DHX38: variants seen among roughly 807,000 people sequenced by gnomAD.
DHX38 encodes DEAH-box helicase 38, also known as pre-mRNA-splicing factor ATP-dependent RNA helicase PRP16.
Under a neutral mutation model 153.1 loss-of-function variants are expected in DHX38, and 100 were observed. The observed-to-expected ratio is 0.65, with a 90% CI of 0.56 to 0.77. The LOEUF (loss-of-function observed/expected upper bound fraction) is 0.77. Among genes scored for constraint, DHX38 ranks in the 30% least tolerant of loss-of-function variants. DHX38 has a pLI of 0.00. For missense variants in DHX38, 1,440 were observed against 1,654.0 expected (o/e 0.87, Z 2.24); for synonymous variants, 650 against 631.7 (o/e 1.03, Z -0.43).
In DHX38 at chr16:72,104,183, C is replaced by A; in HGVS notation, c.2010+52C>A. 1 of 1,586,514 alleles carries A rather than the reference C, an allele frequency of 6.3e-7. No individual in the cohort carries two copies. Among genetic ancestry groups the A allele is most frequent in the Non-Finnish European group, 8.6e-7 (1 of 1,161,470 alleles). On this transcript the variant is annotated intron_variant, in intron 14 of 26. Coordinates refer to ENST00000268482, the MANE Select transcript of DHX38 (RefSeq NM_014003.4). This position sits in a 1 kb window ranked among gnomAD's most constrained non-coding sequence, Gnocchi z 4.5. Reference sequence around the variant, plus strand: ...TGCGCATGGGGTGTTGACCAGTGCACCACCAGTAGCTAGTGGGTTGCTCCA... The same window carrying A: ...TGCGCATGGGGTGTTGACCAGTGCAACACCAGTAGCTAGTGGGTTGCTCCA...
At chr16:72,095,892 G>GA (rs2042008147) in intron 1 of DHX38, among the ~76,000 whole-genome samples, 1 of 139,526 alleles carries the variant, frequency 7.2e-6, no homozygotes, top group Non-Finnish European at 1.6e-5. Flanking sequence ...AGGAATGTAT[G>GA]GGGTGTGTGT....
Position 72,103,688 on chromosome 16 carries a change from C to T in DHX38, c.1724C>T (p.Thr575Met), listed in dbSNP as rs1343138979. ...CAGTACCTGCATGAAGATGGTTACA[C>T]GGACTATGGGATGATTGGGTGTACC... ...LTQYLHEDGYTDYGMIGCTQP... is the reference protein window; with the variant it reads ...LTQYLHEDGYMDYGMIGCTQP... Residue 575 changes from threonine (T) to methionine (M), a missense_variant, in exon 13 of 27, where the codon ACG (threonine) becomes ATG (methionine). By Grantham distance (81) the Thr-to-Met change is moderately conservative. This residue lies in a region of DHX38 where 241 missense variants were observed against 229.5 expected (regional missense o/e 1.05). Transcript: ENST00000268482. 6 of 1,614,040 alleles carry T rather than the reference C, an allele frequency of 3.7e-6. No homozygotes were observed. The highest frequency in any genetic ancestry group is 3.3e-5 in the Admixed American group (2 of 59,998).
chr16:72,108,685 G>T lies in DHX38; in HGVS notation c.3255+78G>T. 1.9e-6 allele frequency: 3 copies of T among 1,590,014 alleles called. No individual in the cohort carries two copies. In the South Asian group the frequency reaches 3.4e-5, roughly 18 times the overall value. On this transcript the variant is annotated intron_variant, in intron 23 of 26. Transcript: ENST00000268482. Reference sequence around the variant, plus strand: ...AAAGTTCTTCCTTTGTCCTGGTGTGGTTCTGCAGATCTGGGCTTCCGCCAA... The same window carrying T: ...AAAGTTCTTCCTTTGTCCTGGTGTGTTTCTGCAGATCTGGGCTTCCGCCAA...
rs896993488 is a variant in DHX38, at chr16:72,093,952, G to A, written c.-119G>A. On this transcript the variant is annotated 5_prime_UTR_variant, in exon 1 of 27. Transcript: ENST00000268482. Reference sequence around the variant, plus strand: ...AAGGGACAATAATGGCCGCTTTCAAGGTGTGGATTTTGGCTCCTTGAGCCT... The same window carrying A: ...AAGGGACAATAATGGCCGCTTTCAAAGTGTGGATTTTGGCTCCTTGAGCCT... 1.3e-5 allele frequency: 2 copies of A among 152,362 alleles called. No individual in the cohort carries two copies. Among genetic ancestry groups the A allele is most frequent in the Non-Finnish European group, 2.9e-5 (2 of 68,176 alleles). 9.4% of individuals were successfully genotyped at this position (152,362 alleles called of 1,614,324 possible).
chr16:72,109,442 G>T lies in DHX38; in HGVS notation c.3409G>T (p.Asp1137Tyr), dbSNP rs200604949. 1.2e-6 allele frequency: 2 copies of T among 1,613,578 alleles called. No individual in the cohort carries two copies. The highest frequency in any genetic ancestry group is 2.2e-5 in the East Asian group (1 of 44,830). ...KEYMQCVTAV[D>Y]GEWLAELGPM... ...GTATATGCAGTGTGTGACCGCTGTG[G>T]ACGGGGAGTGGCTGGCGGAGCTGGG... Residue 1137 changes from aspartate to tyrosine, a missense_variant, in exon 25 of 27, where the codon GAC becomes TAC. Asp to Tyr is a radical substitution (Grantham distance 160). Coordinates refer to ENST00000268482, the MANE Select transcript of DHX38 (RefSeq NM_014003.4).
At position 72,105,566 on chromosome 16, in the gene DHX38, C is replaced by T; in HGVS notation, c.2429C>T (p.Thr810Met). Reference protein sequence around the residue: ...KCIVATNIAETSLTVDGIMFV... With the variant: ...KCIVATNIAEMSLTVDGIMFV... ...ATCGTTGCCACCAATATTGCCGAGA[C>T]GTCTCTCACTGTTGACGGCATCATG... The change falls in exon 18 of 27, where the codon ACG (threonine) becomes ATG (methionine). Residue 810 changes from threonine (T) to methionine (M), a missense_variant. Coordinates refer to ENST00000268482, the MANE Select transcript of DHX38 (RefSeq NM_014003.4). 11 of 1,614,156 alleles carry T rather than the reference C, an allele frequency of 6.8e-6. No homozygotes were observed. Among genetic ancestry groups the T allele is most frequent in the African/African-American group, 1.3e-5 (1 of 75,024 alleles).
chr16:72,110,863 G>C, intron 25 of DHX38, 93 bp from the exon 26 acceptor site: 1 of 1,471,878 alleles, frequency 6.8e-7, no homozygotes, highest in Non-Finnish European at 9.1e-7. Flanking sequence ...GGTGGATGCA[G>C]CACCTGGTTT....
chr16:72,112,784 G>A lies in DHX38; in HGVS notation c.*287G>A, dbSNP rs1388787831. On this transcript the variant is annotated 3_prime_UTR_variant, in exon 27 of 27. Coordinates refer to ENST00000268482, the MANE Select transcript of DHX38 (RefSeq NM_014003.4). ...ATCTAAAACTGGCCCAGGACACTTG[G>A]TGTATGCGTGACTTGGCTGTGGCTG... The A allele has an allele frequency of 1.4e-6, 1 of 702,776 alleles. No homozygotes were observed. The highest frequency in any genetic ancestry group is 2.6e-6 in the Non-Finnish European group (1 of 384,868). 43.5% of individuals were successfully genotyped at this position (702,776 alleles called of 1,614,324 possible).
At chr16:72,101,473 G>A in intron 10 of DHX38, 27 bp from the exon 11 acceptor site, 2 of 1,544,596 alleles carry the variant, frequency 1.3e-6, no homozygotes, top group Non-Finnish European at 1.8e-6. Flanking sequence ...TGGCAGGATG[G>A]AGCAGACTGA....
At position 72,094,062 on chromosome 16, in the gene DHX38, C is replaced by G. The variant is rs928044524; in HGVS notation, c.-20+11C>G. The G allele has an allele frequency of 6.6e-6, 1 of 152,362 alleles. No homozygotes were observed. Among genetic ancestry groups the G allele is most frequent in the Admixed American group, 6.5e-5 (1 of 15,284 alleles). 9.4% of individuals were successfully genotyped at this position (152,362 alleles called of 1,614,324 possible). A position where few individuals can be genotyped will look rare whatever the true frequency, so the allele number is the denominator to read the frequency against. On this transcript the variant is annotated intron_variant, in intron 1 of 26. Transcript: ENST00000268482. ...GTCGCGCTTGGTGAGGTGAGAGTCC[C>G]TTCTTCCTTCCTGGCCTGCCCTTCT...
chr16:72,097,951 G>A (rs2042044604), intron 4 of DHX38, among the ~76,000 whole-genome samples, 170 bp downstream of exon 4: 7 of 152,148 alleles, frequency 4.6e-5, no homozygotes, highest in Admixed American at 4.6e-4. Flanking sequence ...CTGCACTTGG[G>A]GTGGATATGG....
chr16:72,105,892 C>A (rs1359129239), intron 18 of DHX38, 113 bp from the exon 19 acceptor site: 9 of 948,984 alleles, frequency 9.5e-6, no homozygotes, highest in Middle Eastern at 2.2e-4. Context: ...ATTTCTAGAG[C>A]CTCCTGGCTC....
At chr16:72,098,272 A>G (rs2042048507) in intron 4 of DHX38, among the ~76,000 whole-genome samples, 1 of 152,000 alleles carries the variant, frequency 6.6e-6, no homozygotes, top group Non-Finnish European at 1.5e-5. Flanking sequence ...ATCCCTACTA[A>G]AAATACAAAA....
At chr16:72,105,741 T>C (rs2042166821) in intron 18 of DHX38, 117 bp downstream of exon 18, 1 of 990,862 alleles carries the variant, frequency 1.0e-6, no homozygotes, top group Admixed American at 2.0e-5. Context: ...GTGGAAGTGG[T>C]GGTGGTGGTG....
intron 1 of DHX38, chr16:72,094,424 G>A (rs1419432692): frequency 6.6e-6 from 1 of 152,196 alleles, no homozygotes; most frequent in Admixed American, 6.5e-5. Context: ...AATCTGGTGG[G>A]CGATCTCTTC....
intron 25 of DHX38, 76 bp from the exon 26 acceptor site, chr16:72,110,879 AG>A (rs760697500): frequency 3.9e-4 from 580 of 1,490,226 alleles, no homozygotes; most frequent in Non-Finnish European, 4.7e-4. Context: ...GGTTTGTGGC[AG>A]GGACTTGGGT....
chr16:72,097,689 G>C lies in DHX38; in HGVS notation c.524G>C (p.Arg175Thr), dbSNP rs766421564. The change falls in exon 4 of 27, where the codon AGA becomes ACA. Residue 175 changes from arginine to threonine, a missense_variant. Physicochemically the swap from Arg to Thr is moderately conservative, Grantham distance 71. This residue lies in a region of DHX38 where 483 missense variants were observed against 465.1 expected (regional missense o/e 1.04). Transcript: ENST00000268482. ...DRKRDRDERD[R>T]SRHSSRSERD... ...TGACTCTTCATAGATGAGCGGGATA[G>C]AAGTAGGCACAGCAGCAGATCAGAG... The C allele has an allele frequency of 1.2e-6, 2 of 1,614,024 alleles. No homozygotes were observed. The highest frequency in any genetic ancestry group is 1.1e-5 in the South Asian group (1 of 91,042).
chr16:72,107,268 T>G lies in DHX38; in HGVS notation c.2601-72T>G. ...AAGAAATGAGAATTTCCTCCCTCCC[T>G]GTGGGATTTCATCTGTACTGGCTGC... On this transcript the variant is annotated intron_variant, in intron 19 of 26. Transcript: ENST00000268482. The surrounding 1 kb of genome is among the most constrained non-coding windows in gnomAD (Gnocchi z 5.3). The G allele has an allele frequency of 1.4e-6, 2 of 1,457,420 alleles. No homozygotes were observed. The highest frequency in any genetic ancestry group is 1.3e-5 in the South Asian group (1 of 76,922). The allele number at this position is 1,457,420 out of a possible 1,614,324, so 90.3% of individuals were successfully genotyped here.
chr16:72,108,733 G>A, intron 23 of DHX38, 67 bp from the exon 24 acceptor site: 1 of 1,597,982 alleles, frequency 6.3e-7, no homozygotes, highest in Non-Finnish European at 8.5e-7. Context: ...GAGTGTTAAG[G>A]GATGGGGTCG....
Sources: allele counts gnomAD v4.1 joint callset (sites outside exome capture counted in the v4.1 genomes callset), GRCh38; gene constraint gnomAD v4.1.1; regional missense constraint gnomAD v4.1.1; non-coding constraint Gnocchi (gnomAD v3.1); transcripts MANE v1.5; gene names NCBI Gene and HGNC (gene_info 2026-07-23, HGNC 2026-07-21).